The following NAALADL2 variants were observed in gnomAD, a reference collection of about 807,000 sequenced individuals.
The protein encoded by NAALADL2 is inactive N-acetylated-alpha-linked acidic dipeptidase-like protein 2.
Under a neutral mutation model 87.2 loss-of-function variants are expected in NAALADL2, and 76 were observed. The ratio of observed to expected loss-of-function variants is 0.87; its 90% CI spans 0.72 to 1.05. The LOEUF is 1.05. NAALADL2 is among the 50% of genes least tolerant of loss of function. The pLI, the probability that NAALADL2 is intolerant of heterozygous loss-of-function variation, is 0.00. For synonymous variants in NAALADL2, 354 were observed against 331.0 expected (o/e 1.07, Z -0.75); for missense variants, 1,089 against 945.8 (o/e 1.15, Z -1.99).
chr3:175,225,408 A>G (rs1224906079), intron 2 of NAALADL2, among the ~76,000 whole-genome samples: 1 of 152,122 alleles, frequency 6.6e-6, no homozygotes, highest in African/African-American at 2.4e-5. Flanking sequence ...TAAGTGCTAG[A>G]CTTCTATAGT....
chr3:174,744,975 A>AATGCCCAC, intron 3 of NAALADL2, among the ~76,000 whole-genome samples: 1 of 152,244 alleles, frequency 6.6e-6, no homozygotes. Flanking sequence ...TATAGCACTA[A>AATGCCCAC]ATGCCCACAT....
chr3:175,277,781 A>G (rs996179601), intron 4 of NAALADL2, among the ~76,000 whole-genome samples: 1 of 152,164 alleles, frequency 6.6e-6, no homozygotes, highest in African/African-American at 2.4e-5. Context: ...GCTAAAAGAT[A>G]CCATTTACCC....
At chr3:174,672,694 G>A (rs1726676103) in intron 2 of NAALADL2, among the ~76,000 whole-genome samples, 3 of 152,038 alleles carry the variant, frequency 2.0e-5, no homozygotes, top group African/African-American at 7.2e-5. Flanking sequence ...ATAAAGATCT[G>A]AAGGTGCTCA....
intron 13 of NAALADL2, among the ~76,000 whole-genome samples, chr3:175,771,838 TC>T (rs1749526686): frequency 6.6e-6 from 1 of 152,120 alleles, no homozygotes; most frequent in Non-Finnish European, 1.5e-5. Flanking sequence ...GTTTAATTAC[TC>T]ACAGGTCAGC....
At chr3:174,673,999 A>C (rs1726810046) in intron 2 of NAALADL2, among the ~76,000 whole-genome samples, 1 of 152,012 alleles carries the variant, frequency 6.6e-6, no homozygotes, top group Non-Finnish European at 1.5e-5. Flanking sequence ...TAAATATATT[A>C]ATTTGGACAG....
At chr3:174,904,608 A>T (rs187430567) in intron 1 of NAALADL2, among the ~76,000 whole-genome samples, 5 of 151,992 alleles carry the variant, frequency 3.3e-5, no homozygotes, top group South Asian at 2.1e-4. Context: ...ATAGATTGTA[A>T]ATACTTAAGT....
chr3:175,487,094 A>G (rs1009438762), intron 9 of NAALADL2, among the ~76,000 whole-genome samples: 1 of 152,048 alleles, frequency 6.6e-6, no homozygotes, highest in Non-Finnish European at 1.5e-5. Context: ...AAGTCCTTAT[A>G]ATGGCCGGAG....
At chr3:174,868,566 T>C (rs1164098085) in intron 1 of NAALADL2, among the ~76,000 whole-genome samples, 3 of 152,118 alleles carry the variant, frequency 2.0e-5, no homozygotes, top group African/African-American at 4.8e-5. Context: ...CATGTGATTA[T>C]AGTGGGATTC....
intron 10 of NAALADL2, among the ~76,000 whole-genome samples, chr3:175,584,381 C>A (rs6790939): frequency 0.11 from 17,297 of 152,102 alleles, 2,467 homozygotes; most frequent in African/African-American, 0.33. Context: ...GAGCACAAAG[C>A]AGTTAAGAAA....
In NAALADL2 at chr3:175,555,217, G is replaced by A. The variant is rs1250719564; in HGVS notation, c.1654-20824G>A. ...TGTTTGGCTCCATGTATGTGAAACA[G>A]AAGCCCACACTTAATTGACAAAGTG... is the stretch of plus-strand genomic sequence containing the variant. On this transcript the variant is annotated intron_variant, in intron 9 of 13. Transcript: ENST00000454872. Among the ~76,000 whole-genome samples the A allele has an allele frequency of 5.3e-5, 8 of 152,318 alleles. 1 individual carries two copies. The highest frequency in any genetic ancestry group is 3.3e-4 in the Admixed American group (5 of 15,294).
At chr3:174,481,225 A>G (rs1393444213) in intron 1 of NAALADL2, among the ~76,000 whole-genome samples, 1 of 152,170 alleles carries the variant, frequency 6.6e-6, no homozygotes, top group African/African-American at 2.4e-5. Flanking sequence ...TAGCATTAGC[A>G]CTATAATTCT....
Position 175,627,355 on chromosome 3 carries a change from C to G in NAALADL2, c.1865C>G (p.Pro622Arg), listed in dbSNP as rs9866564. 0.79 allele frequency: 1,233,089 copies of G among 1,564,932 alleles called. 488,447 individuals are homozygous for G. The highest frequency in any genetic ancestry group is 0.9 in the East Asian group (38,928 of 43,224). ...TRATKIEEMD[P>R]SFNLHETITK... Reference sequence around the variant, plus strand: ...GCAACAAAAATTGAAGAAATGGATCCCTCTTTCAACCTTCATGAAACCATT... The same window carrying G: ...GCAACAAAAATTGAAGAAATGGATCGCTCTTTCAACCTTCATGAAACCATT... Residue 622 changes from proline to arginine, a missense_variant, in exon 11 of 14, where the codon CCC becomes CGC. Coordinates refer to ENST00000454872, the MANE Select transcript of NAALADL2 (RefSeq NM_207015.3).
intron 2 of NAALADL2, among the ~76,000 whole-genome samples, chr3:175,195,377 A>G (rs1419487557): frequency 6.6e-6 from 1 of 151,858 alleles, no homozygotes; most frequent in Non-Finnish European, 1.5e-5. Context: ...ATGAAACGTT[A>G]TGAAAAAATA....
chr3:175,129,634 C>T (rs1727498562), intron 2 of NAALADL2, among the ~76,000 whole-genome samples: 2 of 152,072 alleles, frequency 1.3e-5, no homozygotes, highest in South Asian at 4.1e-4. Context: ...GCAGGATTTC[C>T]TTCTTTTTAA....
At chr3:175,042,278 C>CTA (rs1403819495) in intron 1 of NAALADL2, among the ~76,000 whole-genome samples, 4 of 152,050 alleles carry the variant, frequency 2.6e-5, no homozygotes, top group Non-Finnish European at 5.9e-5. Context: ...AAATAATTTA[C>CTA]TATATATATA....
Position 175,360,428 on chromosome 3 carries a change from C to T in NAALADL2, c.1090+36103C>T, listed in dbSNP as rs13314500. ...TCTTTCTTTCTCTTCTTTTTGTAAA[C>T]AGCCTAATAATTCCCTTTGCCCCTC... On this transcript the variant is annotated intron_variant, in intron 5 of 13. Transcript: ENST00000454872. Among the ~76,000 whole-genome samples the T allele has an allele frequency of 7.9e-3, 1,201 of 152,104 alleles. 9 individuals are homozygous for T. The highest frequency in any genetic ancestry group is 0.027 in the African/African-American group (1,130 of 41,512).
chr3:174,895,323 A>G (rs1731379347), intron 1 of NAALADL2, among the ~76,000 whole-genome samples: 1 of 152,146 alleles, frequency 6.6e-6, no homozygotes, highest in Non-Finnish European at 1.5e-5. Flanking sequence ...TAAAAAAAGT[A>G]AAAATAGAAA....
rs1582885501 is a variant in NAALADL2, at chr3:175,684,045, A to G, written c.1897-53261A>G. Among the ~76,000 whole-genome samples the G allele has an allele frequency of 2.0e-5, 3 of 152,198 alleles. No individual in the cohort carries two copies. In the East Asian group the frequency reaches 5.8e-4, roughly 29 times the overall value. On this transcript the variant is annotated intron_variant, in intron 11 of 13. Coordinates refer to ENST00000454872, the MANE Select transcript of NAALADL2 (RefSeq NM_207015.3). ...AGATGCATCATCTTATAGTAGAAGC[A>G]ATTTTATGATGAGCTTTTAAACTGT... is the stretch of plus-strand genomic sequence containing the variant.
At chr3:175,064,666 G>C (rs76015689) in intron 1 of NAALADL2, among the ~76,000 whole-genome samples, 17,015 of 152,108 alleles carry the variant, frequency 0.11, 1,085 homozygotes, top group East Asian at 0.21. Flanking sequence ...CCAACTCTTG[G>C]CCCTCATTGG....
Sources: allele counts gnomAD v4.1 joint callset (sites outside exome capture counted in the v4.1 genomes callset), GRCh38; gene constraint gnomAD v4.1.1; transcripts MANE v1.5; gene names NCBI Gene and HGNC (gene_info 2026-07-23, HGNC 2026-07-21).